The following HS3ST4 variants were observed in gnomAD, a reference collection of about 807,000 sequenced individuals.
HS3ST4 encodes the protein heparan sulfate-glucosamine 3-sulfotransferase 4.
In HS3ST4, 17 loss-of-function variants were observed where a neutral mutation model predicts 29.2. The ratio of observed to expected loss-of-function variants is 0.58; its 90% CI spans 0.40 to 0.87. The LOEUF is 0.87. Among genes scored for constraint, HS3ST4 ranks in the 40% least tolerant of loss-of-function variants. The pLI is 0.00. For missense variants in HS3ST4, 627 were observed against 634.5 expected (o/e 0.99, Z 0.13); for synonymous variants, 314 against 285.7 (o/e 1.10, Z -1.00).
At chr16:26,073,331 A>C (rs914755913) in intron 1 of HS3ST4, among the ~76,000 whole-genome samples, 25 of 151,862 alleles carry the variant, frequency 1.6e-4, no homozygotes, top group Non-Finnish European at 2.2e-4. Flanking sequence ...AAATTTGGAG[A>C]TCTATCATGC....
At chr16:25,892,882 A>G (rs1171956875) in intron 1 of HS3ST4, among the ~76,000 whole-genome samples, 2 of 152,222 alleles carry the variant, frequency 1.3e-5, no homozygotes, top group Non-Finnish European at 2.9e-5. Context: ...AAAGTCCTTG[A>G]CCTCACGGAA....
rs1321152596 is a variant in HS3ST4 at position 25,978,448 on chromosome 16, A to G, written c.735-157164A>G. Among the ~76,000 whole-genome samples the G allele has an allele frequency of 5.3e-5, 8 of 152,272 alleles. No homozygotes were observed. The South Asian group carries it at 1.0e-3, about 20-fold the overall frequency. ...ACCAAATGTGCATGTCTGTGTTACA[A>G]TAAAACTGTATGACAAAGACAGATG... On this transcript the variant is annotated intron_variant, in intron 1 of 1. Transcript: ENST00000331351.
At chr16:25,719,228 G>T (rs1966477158) in intron 1 of HS3ST4, among the ~76,000 whole-genome samples, 1 of 152,174 alleles carries the variant, frequency 6.6e-6, no homozygotes, top group South Asian at 2.1e-4. Context: ...GAAGTTGCTG[G>T]GGCAAAGGGA....
chr16:26,116,696 T>A (rs893767692), intron 1 of HS3ST4, among the ~76,000 whole-genome samples: 9 of 152,224 alleles, frequency 5.9e-5, no homozygotes, highest in Admixed American at 2.0e-4. Context: ...TTTGTTTATT[T>A]ATTATTTGTT....
chr16:25,910,691 G>A (rs967018929), intron 1 of HS3ST4, among the ~76,000 whole-genome samples: 1 of 152,040 alleles, frequency 6.6e-6, no homozygotes, highest in South Asian at 2.1e-4. Context: ...TATGCAAGCG[G>A]CATAGACAAT....
In HS3ST4 at chr16:25,814,341, G is replaced by GT. The variant is rs1226099327; in HGVS notation, c.734+121199dup. 2.9e-4 allele frequency among the ~76,000 whole-genome samples: 41 copies of GT among 143,736 alleles called. No homozygotes were observed. In the East Asian group the frequency reaches 4.9e-3, roughly 17 times the overall value. The allele number at this position is 143,736 out of a possible 152,430, so 94.3% of individuals were successfully genotyped here. On this transcript the variant is annotated intron_variant, in intron 1 of 1. Coordinates refer to ENST00000331351, the MANE Select transcript of HS3ST4 (RefSeq NM_006040.3). The stretch of plus-strand genomic sequence containing the variant: ...ATGTTGTTATGTCTGGTTTTGTTTT[G>GT]TTTTTTTTTGGCGGGGGCGGGGGGA...
intron 1 of HS3ST4, among the ~76,000 whole-genome samples, chr16:25,887,368 T>C (rs1967963867): frequency 6.6e-6 from 1 of 152,046 alleles, no homozygotes; most frequent in Non-Finnish European, 1.5e-5. Flanking sequence ...GTCTAAAGCT[T>C]TATCCCATGG....
At chr16:25,916,330 A>G (rs1256613170) in intron 1 of HS3ST4, among the ~76,000 whole-genome samples, 1 of 151,836 alleles carries the variant, frequency 6.6e-6, no homozygotes, top group Non-Finnish European at 1.5e-5. Context: ...GGCCTGATTT[A>G]TTACTTCCTT....
In HS3ST4 at chr16:26,016,841, C is replaced by T. The variant is rs183445661; in HGVS notation, c.735-118771C>T. Among the ~76,000 whole-genome samples the T allele has an allele frequency of 1.9e-3, 288 of 152,302 alleles. 2 individuals are homozygous for T. Among genetic ancestry groups the T allele is most frequent in the Non-Finnish European group, 3.4e-3 (233 of 68,026 alleles). ...CTCATATTTGGTTCTTTCCTTCCTTCTGGGCACTCAAGAGGACTGTATTTC... is the reference window on the plus strand; with the variant it reads ...CTCATATTTGGTTCTTTCCTTCCTTTTGGGCACTCAAGAGGACTGTATTTC... On this transcript the variant is annotated intron_variant, in intron 1 of 1. Transcript: ENST00000331351.
chr16:26,083,256 C>A (rs575348276), intron 1 of HS3ST4, among the ~76,000 whole-genome samples: 1 of 152,296 alleles, frequency 6.6e-6, no homozygotes, highest in South Asian at 2.1e-4. Context: ...CACTTATTCC[C>A]CAGATCTAGG....
chr16:25,780,871 A>G (rs968170601), intron 1 of HS3ST4, among the ~76,000 whole-genome samples: 1 of 152,106 alleles, frequency 6.6e-6, no homozygotes, highest in African/African-American at 2.4e-5. Context: ...CTGTCTCTTT[A>G]TATTTACTCA....
intron 1 of HS3ST4, among the ~76,000 whole-genome samples, chr16:25,896,432 T>C (rs1226483754): frequency 3.3e-5 from 5 of 151,918 alleles, no homozygotes. Context: ...GAAATGCAAA[T>C]CAAAAGCGCA....
rs528818082 is a variant in HS3ST4 at position 26,031,962 on chromosome 16, T to G, written c.735-103650T>G. The stretch of plus-strand genomic sequence containing the variant: ...CATTTAGCATGGTGTTTAACAACTT[T>G]TCACAAGCCATCTCTGACTTTCAGG... On this transcript the variant is annotated intron_variant, in intron 1 of 1. Transcript: ENST00000331351. 3.3e-5 allele frequency among the ~76,000 whole-genome samples: 5 copies of G among 152,358 alleles called. No individual in the cohort carries two copies. The East Asian group carries it at 9.6e-4, about 29-fold the overall frequency.
intron 1 of HS3ST4, among the ~76,000 whole-genome samples, chr16:25,876,286 AG>A: frequency 6.6e-6 from 1 of 152,270 alleles, no homozygotes; most frequent in African/African-American, 2.4e-5. Context: ...CACTGGCTTA[AG>A]CAAAATAAAA....
At position 25,692,570 on chromosome 16, in the gene HS3ST4, C is replaced by A; in HGVS notation, c.153C>A (p.Ser51Arg). 1.4e-6 allele frequency: 2 copies of A among 1,438,110 alleles called. No individual in the cohort carries two copies. Among genetic ancestry groups the A allele is most frequent in the Non-Finnish European group, 1.8e-6 (2 of 1,085,522 alleles). 89.1% of individuals were successfully genotyped at this position (1,438,110 alleles called of 1,614,324 possible). ...TGTCTGTCACCTACCTGTGCTACAG[C>A]CTCCTGGGCGGCTCGGGCTCCCTGC... ...LSLSVTYLCY[S>R]LLGGSGSLQF... The change falls in exon 1 of 2, where the codon AGC becomes AGA. Residue 51 changes from serine (S) to arginine (R), a missense_variant. Physicochemically the swap from Ser to Arg is moderately radical, Grantham distance 110 (BLOSUM62 -1). This residue lies in a region of HS3ST4 where 402 missense variants were observed against 340.8 expected (regional missense o/e 1.18). Coordinates refer to ENST00000331351, the MANE Select transcript of HS3ST4 (RefSeq NM_006040.3).
chr16:25,751,751 C>A (rs1966721744), intron 1 of HS3ST4, among the ~76,000 whole-genome samples: 1 of 152,090 alleles, frequency 6.6e-6, no homozygotes, highest in African/African-American at 2.4e-5. Flanking sequence ...AATCGCCTTT[C>A]CTGTTTTCCA....
chr16:25,766,763 C>T (rs1046147903), intron 1 of HS3ST4, among the ~76,000 whole-genome samples: 8 of 152,224 alleles, frequency 5.3e-5, no homozygotes, highest in African/African-American at 1.4e-4. Flanking sequence ...AAAATCACTG[C>T]AGATGCCTGT....
chr16:25,841,406 T>A (rs1298830625), intron 1 of HS3ST4, among the ~76,000 whole-genome samples: 3 of 152,000 alleles, frequency 2.0e-5, no homozygotes, highest in Admixed American at 2.0e-4. Flanking sequence ...GCTCAGGGGA[T>A]CCTCCCACTT....
chr16:25,912,581 G>T (rs889874023), intron 1 of HS3ST4, among the ~76,000 whole-genome samples: 1 of 152,148 alleles, frequency 6.6e-6, no homozygotes, highest in African/African-American at 2.4e-5. Context: ...ATCAGCCCCA[G>T]TGAAAGTAGG....
Sources: gnomAD v4.1 joint callset for allele counts (sites outside exome capture counted in the v4.1 genomes callset) on GRCh38, gnomAD v4.1.1 for gene constraint, gnomAD v4.1.1 regional missense constraint, MANE v1.5 for transcripts, NCBI Gene and HGNC (gene_info 2026-07-23, HGNC 2026-07-21) for gene names.